CCDC97: variants seen among roughly 807,000 people sequenced by gnomAD.
CCDC97 encodes the protein coiled-coil domain containing 97.
In CCDC97, 27 loss-of-function variants were observed where a neutral mutation model predicts 33.9. The ratio of observed to expected loss-of-function variants is 0.80; its 90% CI spans 0.59 to 1.10. CCDC97 has a LOEUF of 1.10. Among genes scored for constraint, CCDC97 ranks in the 50% least tolerant of loss-of-function variants. CCDC97 has a pLI of 0.00. For missense variants in CCDC97, 422 were observed against 476.6 expected (o/e 0.89, Z 1.07); for synonymous variants, 217 against 194.0 (o/e 1.12, Z -0.99).
Position 41,320,366 on chromosome 19 carries a change from G to A in CCDC97, c.807G>A (p.Glu269=), listed in dbSNP as rs200306132. The A allele has an allele frequency of 7.5e-5, 121 of 1,614,118 alleles. No homozygotes were observed. Among genetic ancestry groups the A allele is most frequent in the East Asian group, 1.6e-4 (7 of 44,878 alleles). ...EEDQRSGKDS[E]AWVPDSEERL... is the part of the protein sequence containing the mutation. ...ACCAGAGGTCAGGCAAGGACTCGGA[G>A]GCCTGGGTTCCCGACTCGGAGGAGA... Residue 269 remains glutamate, a synonymous_variant, in exon 4 of 5, where the codon GAG becomes GAA. Coordinates refer to ENST00000269967, the MANE Select transcript of CCDC97 (RefSeq NM_052848.3).
intron 2 of CCDC97, among the ~76,000 whole-genome samples, chr19:41,317,659 T>C (rs1428329314): frequency 6.8e-6 from 1 of 146,352 alleles, no homozygotes; most frequent in Non-Finnish European, 1.5e-5. Context: ...TTGTGTGAGC[T>C]GAGATCCCAC....
In CCDC97 at chr19:41,324,483, GGAA is replaced by G. The variant is rs1420386095; in HGVS notation, c.*1770_*1772del. On this transcript the variant is annotated 3_prime_UTR_variant, in exon 5 of 5. Transcript: ENST00000269967. ...GTGTGCATGCAGATGTCCTCAGACG[GGAA>G]GGTTTGAGAAGGGTCAGATGGTAGG... The G allele has an allele frequency of 6.6e-6, 1 of 152,274 alleles. No homozygotes were observed. The highest frequency in any genetic ancestry group is 1.5e-5 in the Non-Finnish European group (1 of 68,062). The allele number at this position is 152,274 out of a possible 1,614,324, so 9.4% of individuals were successfully genotyped here.
At chr19:41,317,449 A>G (rs1352250545) in intron 2 of CCDC97, among the ~76,000 whole-genome samples, 1 of 152,214 alleles carries the variant, frequency 6.6e-6, no homozygotes, top group Non-Finnish European at 1.5e-5. Context: ...GAGGCTGGGC[A>G]TGATGGCTTA....
At chr19:41,310,720 T>C (rs1206498402) in intron 1 of CCDC97, 1 of 1,105,754 alleles carries the variant, frequency 9.0e-7, no homozygotes, top group Non-Finnish European at 1.1e-6. Flanking sequence ...TGTACCAAGC[T>C]GAGCCTTCCC....
rs1457713575 is a variant in CCDC97, at chr19:41,320,331, C to G, written c.782-10C>G. The G allele has an allele frequency of 6.2e-7, 1 of 1,613,706 alleles. No individual in the cohort carries two copies. Reference sequence around the variant, plus strand: ...CCCGCATTCACACCCCCTCTCCTCTCCCTCTGCAGACCAGAGGTCAGGCAA... The same window carrying G: ...CCCGCATTCACACCCCCTCTCCTCTGCCTCTGCAGACCAGAGGTCAGGCAA... On this transcript the variant is annotated splice_polypyrimidine_tract_variant and intron_variant, in intron 3 of 4. Transcript: ENST00000269967.
In CCDC97 at chr19:41,320,393, G is replaced by A. The variant is rs2037809397; in HGVS notation, c.834G>A (p.Arg278=). 1.2e-6 allele frequency: 2 copies of A among 1,614,148 alleles called. No individual in the cohort carries two copies. Among genetic ancestry groups the A allele is most frequent in the Non-Finnish European group, 1.7e-6 (2 of 1,180,034 alleles). The change falls in exon 4 of 5, where the codon AGG becomes AGA. Residue 278 remains arginine (R), a synonymous_variant. Transcript: ENST00000269967. ...CCTGGGTTCCCGACTCGGAGGAGAG[G>A]CTGATCCTGCGAGAGGAGTTCACCA... ...SEAWVPDSEE[R]LILREEFTSR...
chr19:41,310,989 C>A, intron 1 of CCDC97: 1 of 441,524 alleles, frequency 2.3e-6, no homozygotes, highest in Non-Finnish European at 3.0e-6. Flanking sequence ...ATTGTGGAAG[C>A]CAGATGGAGA....
At chr19:41,314,343 A>G (rs1398265823) in intron 1 of CCDC97, among the ~76,000 whole-genome samples, 1 of 151,616 alleles carries the variant, frequency 6.6e-6, no homozygotes, top group African/African-American at 2.4e-5. Context: ...GGTTTCTCCC[A>G]GTTGGTCAGG....
chr19:41,310,623 C>T (rs957257813), intron 1 of CCDC97: 2 of 985,184 alleles, frequency 2.0e-6, no homozygotes, highest in Non-Finnish European at 2.4e-6. Context: ...CCTTACCAGG[C>T]TAACTCTCAA....
intron 1 of CCDC97, among the ~76,000 whole-genome samples, chr19:41,315,297 A>C (rs143006367): frequency 2.1e-3 from 175 of 82,226 alleles, no homozygotes; most frequent in Non-Finnish European, 3.5e-3. Flanking sequence ...ACTCCGTCTC[A>C]AAAAAAAAAA....
Position 41,316,518 on chromosome 19 carries a change from G to A in CCDC97, c.181G>A (p.Ala61Thr), listed in dbSNP as rs1024726317. 4 of 1,614,250 alleles carry A rather than the reference G, an allele frequency of 2.5e-6. No individual in the cohort carries two copies. The highest frequency in any genetic ancestry group is 3.4e-6 in the Non-Finnish European group (4 of 1,180,034). ...LDSDTSGAEN[A>T]AVSAMLHAVA... ...CAGTGACACCTCCGGGGCTGAAAAT[G>A]CAGCAGTGAGTGCTATGCTGCACGC... Residue 61 changes from alanine (A) to threonine (T), a missense_variant, in exon 2 of 5, where the codon GCA (alanine) becomes ACA (threonine). By Grantham distance (58) the Ala-to-Thr change is moderately conservative (BLOSUM62 0). Transcript: ENST00000269967.
At chr19:41,310,529 G>A in intron 1 of CCDC97, 173 bp downstream of exon 1, 1 of 984,656 alleles carries the variant, frequency 1.0e-6, no homozygotes, top group Non-Finnish European at 1.2e-6. Context: ...GTCGCGGGCT[G>A]ACCTTCTTTT....
At position 41,323,976 on chromosome 19, in the gene CCDC97, C is replaced by T. The variant is rs1176907383; in HGVS notation, c.*1261C>T. ...GCACACAGGGCAAGGGTCACCAAGT[C>T]GGGGCCTAGGGACTCCTCATGCCTC... On this transcript the variant is annotated 3_prime_UTR_variant, in exon 5 of 5. Coordinates refer to ENST00000269967, the MANE Select transcript of CCDC97 (RefSeq NM_052848.3). The T allele has an allele frequency of 3.3e-5, 5 of 152,614 alleles. No homozygotes were observed. The highest frequency in any genetic ancestry group is 5.9e-5 in the Non-Finnish European group (4 of 68,176). 9.5% of individuals were successfully genotyped at this position (152,614 alleles called of 1,614,324 possible). A position where few individuals can be genotyped will look rare whatever the true frequency, so the allele number is the denominator to read the frequency against.
chr19:41,310,299 G>C lies in CCDC97; in HGVS notation c.-12G>C. The C allele has an allele frequency of 6.3e-7, 1 of 1,599,514 alleles. No individual in the cohort carries two copies. Among genetic ancestry groups the C allele is most frequent in the Non-Finnish European group, 8.5e-7 (1 of 1,173,306 alleles). ...GGCCCGCCGGGCGGTTGAAAAGTCC[G>C]AGAGAATCAGGATGGAGGCCGTGGC... is the stretch of plus-strand genomic sequence containing the variant. On this transcript the variant is annotated 5_prime_UTR_variant, in exon 1 of 5. Coordinates refer to ENST00000269967, the MANE Select transcript of CCDC97 (RefSeq NM_052848.3).
chr19:41,316,330 C>T, intron 1 of CCDC97, 54 bp from the exon 2 acceptor site: 1 of 1,413,962 alleles, frequency 7.1e-7, no homozygotes, highest in Non-Finnish European at 9.8e-7. Flanking sequence ...GACTAAGCCC[C>T]CAGTCCCTTC....
In CCDC97 at chr19:41,324,631, A is replaced by G. The variant is rs2037864056; in HGVS notation, c.*1916A>G. On this transcript the variant is annotated 3_prime_UTR_variant, in exon 5 of 5. Coordinates refer to ENST00000269967, the MANE Select transcript of CCDC97 (RefSeq NM_052848.3). Reference sequence around the variant, plus strand: ...GTCCCAGCAGTGCTATGCCCTAGGTACTACCAATATCACTCCTCTATTTCC... The same window carrying G: ...GTCCCAGCAGTGCTATGCCCTAGGTGCTACCAATATCACTCCTCTATTTCC... 6.6e-6 allele frequency: 1 copy of G among 152,242 alleles called. No individual in the cohort carries two copies. Among genetic ancestry groups the G allele is most frequent in the Admixed American group, 6.5e-5 (1 of 15,276 alleles). 9.4% of individuals were successfully genotyped at this position (152,242 alleles called of 1,614,324 possible).
intron 1 of CCDC97, chr19:41,310,656 C>T: frequency 2.3e-6 from 3 of 1,316,366 alleles, no homozygotes; most frequent in South Asian, 3.7e-5. Flanking sequence ...CTCTCTACCC[C>T]GGCCTAATTC....
Position 41,310,196 on chromosome 19 carries a change from C to A in CCDC97, c.-115C>A. ...TAGGCCCGGAACTTCGGTGCCTGGG[C>A]GCAGCGGTGCACCCGGACCCGGAAC... is the stretch of plus-strand genomic sequence containing the variant. On this transcript the variant is annotated 5_prime_UTR_variant, in exon 1 of 5. Transcript: ENST00000269967. The A allele has an allele frequency of 7.0e-7, 1 of 1,425,566 alleles. No homozygotes were observed. The highest frequency in any genetic ancestry group is 9.6e-7 in the Non-Finnish European group (1 of 1,039,060). The allele number at this position is 1,425,566 out of a possible 1,614,324, so 88.3% of individuals were successfully genotyped here. A position where few individuals can be genotyped will look rare whatever the true frequency, so the allele number is the denominator to read the frequency against.
At position 41,310,352 on chromosome 19, in the gene CCDC97, T is replaced by C. The variant is rs2037666978; in HGVS notation, c.42T>C (p.Asp14=). ...VATATAAKEP[D]KGCIEPGPGH... is the part of the protein sequence containing the mutation. ...CGGCGACGGCGGCGAAGGAACCCGATAAGGGTGAGATCTTGGTCACGCGCA... is the reference window on the plus strand; with the variant it reads ...CGGCGACGGCGGCGAAGGAACCCGACAAGGGTGAGATCTTGGTCACGCGCA... The change falls in exon 1 of 5, where the codon GAT becomes GAC. Residue 14 remains aspartate (D), a synonymous_variant. Coordinates refer to ENST00000269967, the MANE Select transcript of CCDC97 (RefSeq NM_052848.3). 6.2e-7 allele frequency: 1 copy of C among 1,605,764 alleles called. No homozygotes were observed. Among genetic ancestry groups the C allele is most frequent in the Non-Finnish European group, 8.5e-7 (1 of 1,176,678 alleles).
Sources: gnomAD v4.1 joint callset for allele counts (sites outside exome capture counted in the v4.1 genomes callset) on GRCh38, gnomAD v4.1.1 for gene constraint, MANE v1.5 for transcripts, NCBI Gene and HGNC (gene_info 2026-07-23, HGNC 2026-07-21) for gene names.